Variants in TENM2 observed in about 807,000 individuals in gnomAD.
The protein encoded by TENM2 is teneurin-2.
In TENM2, 52 loss-of-function variants were observed where a neutral mutation model predicts 245.2. That is an observed-to-expected ratio of 0.21 (90% CI 0.17 to 0.27). TENM2 has a LOEUF of 0.27. Among genes scored for constraint, TENM2 ranks in the 10% least tolerant of loss-of-function variants. TENM2 has a pLI of 1.00. For synonymous variants in TENM2, 1,363 were observed against 1,438.9 expected (o/e 0.95, Z 1.19); for missense variants, 3,046 against 3,666.8 (o/e 0.83, Z 4.37).
the TENM2 span, among the ~76,000 whole-genome samples, chr5:167,162,726 A>G: frequency 6.6e-6 from 1 of 152,240 alleles, no homozygotes; most frequent in African/African-American, 2.4e-5. Context: ...AAATAAAGAA[A>G]AGTTTATTTC....
intron 2 of TENM2, among the ~76,000 whole-genome samples, chr5:167,839,697 A>G (rs1769314845): frequency 2.0e-5 from 3 of 152,204 alleles, no homozygotes; most frequent in Admixed American, 1.3e-4. Context: ...CAATGAGCAC[A>G]TGCAGTGTTT....
At chr5:167,679,882 T>C (rs1316640800) in intron 2 of TENM2, among the ~76,000 whole-genome samples, 1 of 152,224 alleles carries the variant, frequency 6.6e-6, no homozygotes, top group Admixed American at 6.5e-5. Context: ...TTATGGCTTA[T>C]GGTCCATCAT....
At chr5:167,314,723 T>G (rs1756251707) in intron 1 of TENM2, among the ~76,000 whole-genome samples, 1 of 152,062 alleles carries the variant, frequency 6.6e-6, no homozygotes, top group Admixed American at 6.6e-5. Context: ...TAAGTAATAT[T>G]AAAGCAATAA....
chr5:167,226,861 C>G, the TENM2 span, among the ~76,000 whole-genome samples: 1 of 151,720 alleles, frequency 6.6e-6, no homozygotes, highest in Non-Finnish European at 1.5e-5. Context: ...TCTGGGTGCT[C>G]CAATGTTGGG....
chr5:167,550,067 C>T (rs1289042557), intron 2 of TENM2, among the ~76,000 whole-genome samples: 1 of 152,210 alleles, frequency 6.6e-6, no homozygotes, highest in East Asian at 1.9e-4. Context: ...GTTAAATTAA[C>T]ATCTACCTAA....
chr5:167,084,170 T>C, the TENM2 span, among the ~76,000 whole-genome samples: 1 of 151,140 alleles, frequency 6.6e-6, no homozygotes, highest in Non-Finnish European at 1.5e-5. Flanking sequence ...CATCACACTT[T>C]CTCAAGTTCC....
intron 2 of TENM2, among the ~76,000 whole-genome samples, chr5:167,439,268 A>C (rs1350421052): frequency 1.3e-5 from 2 of 152,200 alleles, no homozygotes; most frequent in Non-Finnish European, 2.9e-5. Flanking sequence ...GTCATTGGAC[A>C]CTGCTCTGGA....
chr5:167,487,881 A>G (rs1019978308), intron 2 of TENM2, among the ~76,000 whole-genome samples: 4 of 152,198 alleles, frequency 2.6e-5, no homozygotes, highest in African/African-American at 9.7e-5. Flanking sequence ...ATTTAAAGGA[A>G]TGTTTCTTGC....
intron 2 of TENM2, among the ~76,000 whole-genome samples, chr5:167,483,130 T>C (rs922053825): frequency 1.3e-5 from 2 of 152,158 alleles, no homozygotes; most frequent in Non-Finnish European, 2.9e-5. Flanking sequence ...TCACTTACTT[T>C]ATTGGATTGT....
chr5:167,316,651 A>G (rs1439224049), intron 1 of TENM2, among the ~76,000 whole-genome samples: 1 of 152,196 alleles, frequency 6.6e-6, no homozygotes, highest in Non-Finnish European at 1.5e-5. Flanking sequence ...ACATGTTTGT[A>G]TATGTGTATT....
At chr5:167,926,762 A>G (rs1174655094) in intron 3 of TENM2, among the ~76,000 whole-genome samples, 3 of 146,436 alleles carry the variant, frequency 2.0e-5, no homozygotes, top group Non-Finnish European at 4.5e-5. Flanking sequence ...ACACACACAC[A>G]CAAGACCTTA....
the TENM2 span, among the ~76,000 whole-genome samples, chr5:167,139,887 G>A: frequency 2.0e-4 from 31 of 152,146 alleles, no homozygotes; most frequent in Non-Finnish European, 2.9e-4. Flanking sequence ...ATGACAGTTG[G>A]TTCTGTGTTA....
At chr5:168,147,597 C>T (rs1347897577) in intron 12 of TENM2, among the ~76,000 whole-genome samples, 2 of 152,114 alleles carry the variant, frequency 1.3e-5, no homozygotes, top group South Asian at 2.1e-4. Context: ...ACTGAGTCTC[C>T]GGCAATGTCA....
chr5:167,916,087 G>A lies in TENM2; in HGVS notation c.713-36501G>A, dbSNP rs144824856. ...ATAACAGATATCGTGCACGTGCCAG[G>A]TGCCGGGTACTGTGCTCAACACTTT... On this transcript the variant is annotated intron_variant, in intron 3 of 28. Coordinates refer to ENST00000518659, the Ensembl canonical transcript of TENM2. Among the ~76,000 whole-genome samples the A allele has an allele frequency of 1.4e-4, 22 of 152,298 alleles. No homozygotes were observed. In the East Asian group the frequency reaches 3.1e-3, roughly 21 times the overall value.
At chr5:167,696,221 G>C (rs1757758764) in intron 2 of TENM2, among the ~76,000 whole-genome samples, 1 of 151,894 alleles carries the variant, frequency 6.6e-6, no homozygotes, top group African/African-American at 2.4e-5. Context: ...TTTTTTCCTT[G>C]GGAGGAATAT....
chr5:167,633,856 A>T lies in TENM2; in HGVS notation c.503-242130A>T, dbSNP rs536748045. Among the ~76,000 whole-genome samples the T allele has an allele frequency of 2.0e-5, 3 of 152,290 alleles. No individual in the cohort carries two copies. The East Asian group carries it at 5.8e-4, about 29-fold the overall frequency. On this transcript the variant is annotated intron_variant, in intron 2 of 28. Coordinates refer to ENST00000518659, the Ensembl canonical transcript of TENM2. ...TGTAGCAGATTACTTTGCAGTCCCT[A>T]TGTGAAGGGCAGTATTTTTTATTAC...
chr5:167,638,892 G>T (rs867096999), intron 2 of TENM2, among the ~76,000 whole-genome samples: 12 of 152,280 alleles, frequency 7.9e-5, no homozygotes, highest in Middle Eastern at 6.8e-3. Flanking sequence ...AGAATTGCTA[G>T]AAAAATACTC....
At chr5:167,202,346 C>G in the TENM2 span, among the ~76,000 whole-genome samples, 1 of 152,056 alleles carries the variant, frequency 6.6e-6, no homozygotes, top group Non-Finnish European at 1.5e-5. Flanking sequence ...CTGCCCCTCT[C>G]CAGACACACC....
intron 2 of TENM2, among the ~76,000 whole-genome samples, chr5:167,801,146 A>ATATATATATATATATG (rs1765737318): frequency 1.0e-5 from 1 of 100,170 alleles, no homozygotes; most frequent in African/African-American, 4.3e-5. Context: ...ATATATATAT[A>ATATATATATATATATG]TATATATGTA....
Sources: allele counts gnomAD v4.1 joint callset (sites outside exome capture counted in the v4.1 genomes callset), GRCh38; gene constraint gnomAD v4.1.1; transcripts MANE v1.5; gene names NCBI Gene and HGNC (gene_info 2026-07-23, HGNC 2026-07-21).